CTDSPL2: variants seen among roughly 807,000 people sequenced by gnomAD.
CTDSPL2 encodes CTD small phosphatase like 2.
CTDSPL2 carries 5 observed loss-of-function variants against 60.0 expected under a neutral mutation model. The ratio of observed to expected loss-of-function variants is 0.08; its 90% CI spans 0.04 to 0.18. The LOEUF (loss-of-function observed/expected upper bound fraction) is 0.18, where lower values mean the gene tolerates loss of function less well. Ranked by LOEUF, CTDSPL2 falls within the 10% of genes least tolerant of loss-of-function variation. CTDSPL2 has a pLI of 1.00. For synonymous variants in CTDSPL2, 186 were observed against 189.3 expected (o/e 0.98, Z 0.14); for missense variants, 370 against 548.8 (o/e 0.67, Z 3.26).
At position 44,507,785 on chromosome 15, in the gene CTDSPL2, C is replaced by T. The variant is rs57907343; in HGVS notation, c.970-6813C>T. ...CAGTTCTGCCCAATAGAATCATACT[C>T]ACTCCAGCTCTTCTTGTGACTGATT... On this transcript the variant is annotated intron_variant, in intron 8 of 12. Coordinates refer to ENST00000260327, the MANE Select transcript of CTDSPL2 (RefSeq NM_016396.3). Among the ~76,000 whole-genome samples the T allele has an allele frequency of 1.7e-3, 258 of 152,336 alleles. 2 individuals carry two copies. Among genetic ancestry groups the T allele is most frequent in the African/African-American group, 5.9e-3 (245 of 41,584 alleles).
chr15:44,469,189 A>G (rs2080756323), intron 2 of CTDSPL2, among the ~76,000 whole-genome samples: 1 of 152,226 alleles, frequency 6.6e-6, no homozygotes, highest in African/African-American at 2.4e-5. Flanking sequence ...GTGGTTTCAG[A>G]CAACCACTGG....
chr15:44,428,117 CT>C (rs141771355), intron 1 of CTDSPL2: 15,284 of 157,638 alleles, frequency 0.097, 1,568 homozygotes, highest in African/African-American at 0.24. Flanking sequence ...AGAAGTTTAG[CT>C]TTTTTTAACC....
intron 2 of CTDSPL2, among the ~76,000 whole-genome samples, chr15:44,467,208 C>T (rs1018843159): frequency 6.6e-5 from 10 of 152,348 alleles, no homozygotes; most frequent in Middle Eastern, 3.4e-3. Context: ...CTGTTCTCCA[C>T]TAAAGGAACT....
At chr15:44,443,227 A>G (rs149136740) in intron 1 of CTDSPL2, among the ~76,000 whole-genome samples, 120 of 152,330 alleles carry the variant, frequency 7.9e-4, no homozygotes, top group Admixed American at 9.8e-4. Context: ...TTCATAATAT[A>G]TATCAGAATT....
intron 2 of CTDSPL2, among the ~76,000 whole-genome samples, chr15:44,482,661 G>C (rs1289703833): frequency 6.6e-6 from 1 of 152,134 alleles, no homozygotes; most frequent in African/African-American, 2.4e-5. Context: ...GAATTGGAAG[G>C]ATTTTATTGT....
chr15:44,441,853 G>A (rs1428290170), intron 1 of CTDSPL2, among the ~76,000 whole-genome samples: 3 of 152,092 alleles, frequency 2.0e-5, no homozygotes, highest in Non-Finnish European at 4.4e-5. Context: ...AACTCCAGTG[G>A]GTCATAGAAG....
At chr15:44,430,643 T>A (rs985439776) in intron 1 of CTDSPL2, among the ~76,000 whole-genome samples, 1 of 152,154 alleles carries the variant, frequency 6.6e-6, no homozygotes, top group Non-Finnish European at 1.5e-5. Flanking sequence ...AAAAGCAATA[T>A]CTAATTGTAA....
intron 1 of CTDSPL2, among the ~76,000 whole-genome samples, chr15:44,429,996 A>G (rs1035615104): frequency 2.0e-5 from 3 of 152,234 alleles, no homozygotes; most frequent in African/African-American, 7.2e-5. Context: ...TCCATTCTAC[A>G]TAGTGTCTCT....
At chr15:44,457,473 T>G (rs188452954) in intron 1 of CTDSPL2, among the ~76,000 whole-genome samples, 14 of 152,278 alleles carry the variant, frequency 9.2e-5, no homozygotes, top group Admixed American at 3.3e-4. Flanking sequence ...TGGATTAGCT[T>G]TGGTTTAAGG....
intron 2 of CTDSPL2, among the ~76,000 whole-genome samples, chr15:44,471,426 TA>T (rs2080807334): frequency 6.6e-6 from 1 of 152,178 alleles, no homozygotes; most frequent in Non-Finnish European, 1.5e-5. Flanking sequence ...ATTTACTTAT[TA>T]TTTTTTGATA....
intron 12 of CTDSPL2, among the ~76,000 whole-genome samples, chr15:44,521,700 A>C (rs1298584178): frequency 1.3e-5 from 2 of 151,982 alleles, no homozygotes; most frequent in African/African-American, 4.8e-5. Context: ...GCACTTTGGG[A>C]GGCCGAGGCG....
chr15:44,440,599 A>G (rs970287891), intron 1 of CTDSPL2, among the ~76,000 whole-genome samples: 3 of 151,992 alleles, frequency 2.0e-5, no homozygotes, highest in African/African-American at 4.8e-5. Flanking sequence ...TTTTTCCTCA[A>G]ACTGCTGAAG....
intron 1 of CTDSPL2, among the ~76,000 whole-genome samples, chr15:44,443,547 C>T (rs907798576): frequency 3.3e-5 from 5 of 152,218 alleles, no homozygotes; most frequent in African/African-American, 1.2e-4. Flanking sequence ...AATTTCTCCA[C>T]ATTCTTGCCG....
intron 4 of CTDSPL2, among the ~76,000 whole-genome samples, chr15:44,489,086 C>T (rs551665648): frequency 8.5e-5 from 13 of 152,114 alleles, no homozygotes; most frequent in African/African-American, 3.1e-4. Context: ...TCTCTCCCCA[C>T]CCCATACACA....
intron 2 of CTDSPL2, among the ~76,000 whole-genome samples, chr15:44,473,887 A>G (rs892044149): frequency 6.6e-6 from 1 of 152,130 alleles, no homozygotes. Flanking sequence ...GGGGTAGAGT[A>G]TCTTATTGTT....
At chr15:44,442,750 C>T (rs1234381925) in intron 1 of CTDSPL2, among the ~76,000 whole-genome samples, 4 of 152,024 alleles carry the variant, frequency 2.6e-5, no homozygotes, top group Middle Eastern at 3.4e-3. Context: ...CCAAGATGGG[C>T]GGATCACTTG....
At chr15:44,434,068 ATTG>A (rs1316670493) in intron 1 of CTDSPL2, among the ~76,000 whole-genome samples, 2 of 150,190 alleles carry the variant, frequency 1.3e-5, no homozygotes, top group Admixed American at 6.6e-5. Flanking sequence ...TAGAAAAATC[ATTG>A]TTATTTATTT....
At chr15:44,464,455 T>C (rs1457628483) in intron 2 of CTDSPL2, among the ~76,000 whole-genome samples, 1 of 152,200 alleles carries the variant, frequency 6.6e-6, no homozygotes, top group East Asian at 1.9e-4. Flanking sequence ...GGATTTAAAC[T>C]CATATGTATT....
At chr15:44,450,435 A>G (rs376620216) in intron 1 of CTDSPL2, among the ~76,000 whole-genome samples, 19 of 152,246 alleles carry the variant, frequency 1.2e-4, no homozygotes, top group African/African-American at 4.1e-4. Flanking sequence ...TAAGGAAAGA[A>G]TCAGAAATGT....
Sources: gnomAD v4.1 joint callset for allele counts (sites outside exome capture counted in the v4.1 genomes callset) on GRCh38, gnomAD v4.1.1 for gene constraint, MANE v1.5 for transcripts, NCBI Gene and HGNC (gene_info 2026-07-23, HGNC 2026-07-21) for gene names.